PDGFRB: variants seen among roughly 807,000 people sequenced by gnomAD.
PDGFRB encodes platelet-derived growth factor receptor beta.
PDGFRB carries 42 observed loss-of-function variants against 120.2 expected under a neutral mutation model. The ratio of observed to expected loss-of-function variants is 0.35; its 90% CI spans 0.27 to 0.45. The LOEUF is 0.45. Ranked by LOEUF, PDGFRB falls within the 20% of genes least tolerant of loss-of-function variation. The pLI, the probability that PDGFRB is intolerant of heterozygous loss-of-function variation, is 1.00. For missense variants in PDGFRB, 1,149 were observed against 1,476.3 expected, an observed-to-expected ratio of 0.78 and a Z score of 3.63; for synonymous variants, 586 against 606.8, an observed-to-expected ratio of 0.97 and a Z score of 0.50.
intron 1 of PDGFRB, among the ~76,000 whole-genome samples, chr5:150,154,721 G>A (rs966839062): frequency 6.6e-6 from 1 of 152,162 alleles, no homozygotes; most frequent in African/African-American, 2.4e-5. Flanking sequence ...ATGGCCCAGT[G>A]GCTGACCCCT....
intron 21 of PDGFRB, among the ~76,000 whole-genome samples, chr5:150,118,290 T>G (rs1760027558): frequency 6.6e-6 from 1 of 152,082 alleles, no homozygotes; most frequent in Non-Finnish European, 1.5e-5. Context: ...AAAGGCCATG[T>G]GTATTTCCTC....
intron 1 of PDGFRB, 53 bp downstream of exon 1, chr5:150,155,344 A>C: frequency 5.1e-6 from 1 of 194,848 alleles, no homozygotes; most frequent in East Asian, 9.3e-5. Context: ...GATGCAGGTT[A>C]GGGCAAAGGG....
At position 150,132,957 on chromosome 5, in the gene PDGFRB, C is replaced by T. The variant is rs1409548361; in HGVS notation, c.935-15G>A. The stretch of plus-strand genomic sequence containing the variant: ...GTAGCCGCTCTCTGCAAGGGGTGAC[C>T]GTCAGGGGCGGGGCCCTGGGGGCAG... On this transcript the variant is annotated splice_polypyrimidine_tract_variant and intron_variant, in intron 6 of 22. Transcript: ENST00000261799. This position sits in a 1 kb window ranked among gnomAD's most constrained non-coding sequence, Gnocchi z 5.0. 22 of 1,538,876 alleles carry T rather than the reference C, an allele frequency of 1.4e-5. No individual in the cohort carries two copies. Among genetic ancestry groups the T allele is most frequent in the African/African-American group, 2.7e-5 (2 of 72,952 alleles).
At position 150,134,740 on chromosome 5, in the gene PDGFRB, G is replaced by C; in HGVS notation, c.631+10C>G. 1 of 1,602,720 alleles carries C rather than the reference G, an allele frequency of 6.2e-7. No individual in the cohort carries two copies. Among genetic ancestry groups the C allele is most frequent in the Admixed American group, 1.7e-5 (1 of 58,722 alleles). ...CCTCTGCTGAGCATCAGGCCAGAAA[G>C]GGGGCTCACCCTGGAGTCTGTAGAC... is the stretch of plus-strand genomic sequence containing the variant. On this transcript the variant is annotated intron_variant, in intron 4 of 22. Transcript: ENST00000261799.
chr5:150,124,109 G>T, intron 14 of PDGFRB, 141 bp downstream of exon 14: 1 of 516,130 alleles, frequency 1.9e-6, no homozygotes. Flanking sequence ...CTGGGACCGC[G>T]CAGTGAGGGC....
At chr5:150,119,409 G>T in intron 20 of PDGFRB, 58 bp downstream of exon 20, 1 of 961,494 alleles carries the variant, frequency 1.0e-6, no homozygotes, top group Non-Finnish European at 1.7e-6. Context: ...AGCCAGTAGA[G>T]TTGGATATCT....
At chr5:150,148,490 A>T (rs1416377433) in intron 1 of PDGFRB, among the ~76,000 whole-genome samples, 1 of 152,226 alleles carries the variant, frequency 6.6e-6, no homozygotes, top group Non-Finnish European at 1.5e-5. Flanking sequence ...TGAGCTGGTG[A>T]GGGCAGAACA....
intron 1 of PDGFRB, among the ~76,000 whole-genome samples, chr5:150,148,426 G>A (rs554339199): frequency 4.5e-4 from 69 of 152,366 alleles, no homozygotes; most frequent in Non-Finnish European, 6.5e-4. Context: ...CTAGGCTAGG[G>A]AACTGGCATG....
In PDGFRB at chr5:150,132,153, C is replaced by T; in HGVS notation, c.1128-59G>A. ...AAGGACTCTTACAGTTCTCCCCACC[C>T]TCCTGGTATAAAGAGGAACAAGGCC... On this transcript the variant is annotated intron_variant, in intron 7 of 22. Coordinates refer to ENST00000261799, the MANE Select transcript of PDGFRB (RefSeq NM_002609.4). This position sits in a 1 kb window ranked among gnomAD's most constrained non-coding sequence, Gnocchi z 5.0. 3 of 907,140 alleles carry T rather than the reference C, an allele frequency of 3.3e-6. No individual in the cohort carries two copies. Among genetic ancestry groups the T allele is most frequent in the East Asian group, 4.9e-5 (2 of 40,564 alleles). 56.2% of individuals were successfully genotyped at this position (907,140 alleles called of 1,614,324 possible). A position where few individuals can be genotyped will look rare whatever the true frequency, so the allele number is the denominator to read the frequency against.
intron 1 of PDGFRB, among the ~76,000 whole-genome samples, chr5:150,143,970 C>CG (rs918661207): frequency 2.6e-5 from 4 of 152,090 alleles, no homozygotes; most frequent in Non-Finnish European, 5.9e-5. Flanking sequence ...CTTCTAGGCC[C>CG]GGGGTCCTCT....
At chr5:150,141,303 C>T (rs1430335844) in intron 1 of PDGFRB, among the ~76,000 whole-genome samples, 1 of 152,232 alleles carries the variant, frequency 6.6e-6, no homozygotes, top group Non-Finnish European at 1.5e-5. Flanking sequence ...CCAAATTCAC[C>T]TGAACACACA....
At chr5:150,119,038 C>G (rs1760051448) in intron 20 of PDGFRB, among the ~76,000 whole-genome samples, 186 bp from the exon 21 acceptor site, 1 of 152,208 alleles carries the variant, frequency 6.6e-6, no homozygotes, top group Non-Finnish European at 1.5e-5. Context: ...CCTCGCAGAG[C>G]CCCCATTCCA....
chr5:150,141,865 G>C (rs912074436), intron 1 of PDGFRB, among the ~76,000 whole-genome samples: 7 of 152,132 alleles, frequency 4.6e-5, no homozygotes, highest in African/African-American at 1.7e-4. Flanking sequence ...GTTTAGGATA[G>C]GGAGGGTCTG....
intron 1 of PDGFRB, among the ~76,000 whole-genome samples, chr5:150,139,483 A>G (rs1760721892): frequency 1.3e-5 from 2 of 150,008 alleles, no homozygotes; most frequent in Non-Finnish European, 2.9e-5. Flanking sequence ...TCTAGTCACC[A>G]CGAATCTTAC....
At chr5:150,133,515 C>A in intron 6 of PDGFRB, 71 bp downstream of exon 6, 1 of 1,314,870 alleles carries the variant, frequency 7.6e-7, no homozygotes, top group Admixed American at 1.7e-5. Context: ...CATCACTCTG[C>A]ACCCAGCAAA....
At chr5:150,151,803 G>A (rs533266273) in intron 1 of PDGFRB, among the ~76,000 whole-genome samples, 1 of 150,166 alleles carries the variant, frequency 6.7e-6, no homozygotes, top group South Asian at 2.1e-4. Context: ...CGGAGGTTGC[G>A]GTGAGCCAAG....
At chr5:150,127,607 G>A (rs1004284178) in intron 10 of PDGFRB, among the ~76,000 whole-genome samples, 1 of 152,098 alleles carries the variant, frequency 6.6e-6, no homozygotes, top group Non-Finnish European at 1.5e-5. Flanking sequence ...AGGCCAAGGT[G>A]GGCGGATCAC....
rs1760547643 is a variant in PDGFRB, at chr5:150,133,823, A to G, written c.759+58T>C. 12 of 1,611,904 alleles carry G rather than the reference A, an allele frequency of 7.4e-6. No individual in the cohort carries two copies. The South Asian group carries it at 1.3e-4, about 18-fold the overall frequency. On this transcript the variant is annotated intron_variant, in intron 5 of 22. Transcript: ENST00000261799. The stretch of plus-strand genomic sequence containing the variant: ...GGGGCCGGGGAGAAATCAGCCTGCA[A>G]GCCAGATATCCACCCGTTCCTGGCC...
intron 10 of PDGFRB, among the ~76,000 whole-genome samples, chr5:150,127,573 T>C (rs937887004): frequency 2.0e-5 from 3 of 152,144 alleles, no homozygotes; most frequent in Non-Finnish European, 2.9e-5. Flanking sequence ...CAGTGGCTCA[T>C]GCCTGTAATC....
Sources: allele counts gnomAD v4.1 joint callset (sites outside exome capture counted in the v4.1 genomes callset), GRCh38; gene constraint gnomAD v4.1.1; non-coding constraint Gnocchi (gnomAD v3.1); transcripts MANE v1.5; gene names NCBI Gene and HGNC (gene_info 2026-07-23, HGNC 2026-07-21).